HERC4: variants seen among roughly 807,000 people sequenced by gnomAD.
HERC4 encodes the protein HECT and RLD domain containing E3 ubiquitin protein ligase 4, also known as probable E3 ubiquitin-protein ligase HERC4.
In HERC4, 28 loss-of-function variants were observed where a neutral mutation model predicts 124.3. The ratio of observed to expected loss-of-function variants is 0.23; its 90% CI spans 0.17 to 0.31. The LOEUF is 0.31. Among genes scored for constraint, HERC4 ranks in the 10% least tolerant of loss-of-function variants. The pLI is 1.00. For missense variants in HERC4, 713 were observed against 1,229.3 expected (o/e 0.58, Z 6.28); for synonymous variants, 407 against 421.5 (o/e 0.97, Z 0.42).
chr10:68,046,724 G>T (rs2040029477), intron 3 of HERC4, among the ~76,000 whole-genome samples: 1 of 152,216 alleles, frequency 6.6e-6, no homozygotes, highest in African/African-American at 2.4e-5. Flanking sequence ...CCCAGCACTT[G>T]CAGAAGCCAA....
intron 3 of HERC4, among the ~76,000 whole-genome samples, chr10:68,059,448 T>A (rs915524122): frequency 3.1e-5 from 4 of 129,348 alleles, no homozygotes; most frequent in Non-Finnish European, 6.2e-5. Context: ...TATAATAATA[T>A]TATATATTAT....
intron 3 of HERC4, among the ~76,000 whole-genome samples, chr10:68,047,448 G>A (rs1408633554): frequency 6.6e-6 from 1 of 152,054 alleles, no homozygotes; most frequent in Non-Finnish European, 1.5e-5. Flanking sequence ...CATAGCCCAG[G>A]GGAAAACATT....
chr10:68,006,026 CA>C (rs1465360006), intron 9 of HERC4, among the ~76,000 whole-genome samples: 1 of 152,168 alleles, frequency 6.6e-6, no homozygotes, highest in East Asian at 1.9e-4. Flanking sequence ...ACTCTCATTA[CA>C]AAAACAAATA....
intron 3 of HERC4, among the ~76,000 whole-genome samples, chr10:68,050,295 T>C (rs934543381): frequency 2.6e-5 from 4 of 152,246 alleles, no homozygotes; most frequent in Admixed American, 1.3e-4. Context: ...CAATGTGTAT[T>C]TAAATTGCTT....
intron 15 of HERC4, among the ~76,000 whole-genome samples, chr10:67,977,181 G>A (rs999053353): frequency 6.6e-6 from 1 of 152,208 alleles, no homozygotes; most frequent in African/African-American, 2.4e-5. Flanking sequence ...CTGGAGGGAA[G>A]AGTGGGGAGA....
At chr10:68,060,891 GAT>G (rs2040973910) in intron 3 of HERC4, among the ~76,000 whole-genome samples, 1 of 151,810 alleles carries the variant, frequency 6.6e-6, no homozygotes, top group East Asian at 1.9e-4. Context: ...AGCAATTTAA[GAT>G]CTACTTTATC....
At chr10:68,071,340 A>G (rs369471006) in intron 3 of HERC4, among the ~76,000 whole-genome samples, 36 of 152,330 alleles carry the variant, frequency 2.4e-4, no homozygotes, top group African/African-American at 8.4e-4. Context: ...CACAGTGTCT[A>G]CCTCTAACAC....
chr10:67,958,216 T>C (rs1475505778), intron 16 of HERC4, among the ~76,000 whole-genome samples: 2 of 152,202 alleles, frequency 1.3e-5, no homozygotes, highest in Non-Finnish European at 1.5e-5. Flanking sequence ...TCTCCCTAAA[T>C]TGTATTTTAT....
chr10:68,059,870 T>C (rs28451754), intron 3 of HERC4, among the ~76,000 whole-genome samples: 777 of 70,244 alleles, frequency 0.011, 147 homozygotes, highest in East Asian at 0.1. Context: ...TATTATATAT[T>C]ATAATAATAT....
intron 19 of HERC4, among the ~76,000 whole-genome samples, chr10:67,947,847 T>C (rs2033493676): frequency 1.4e-5 from 2 of 146,326 alleles, no homozygotes; most frequent in African/African-American, 5.0e-5. Flanking sequence ...CTCTTTTTTT[T>C]TTTTTTTTTT....
chr10:68,029,775 G>C (rs1261004840), intron 7 of HERC4, among the ~76,000 whole-genome samples: 1 of 144,774 alleles, frequency 6.9e-6, no homozygotes, highest in Non-Finnish European at 1.5e-5. Flanking sequence ...GAGTCTCGCT[G>C]TCGACCAGGC....
chr10:67,957,720 G>A (rs74145828), intron 16 of HERC4, among the ~76,000 whole-genome samples: 11,388 of 152,164 alleles, frequency 0.075, 1,090 homozygotes, highest in African/African-American at 0.22. Flanking sequence ...CTGACTCAGA[G>A]CCCCTGCTAT....
intron 15 of HERC4, among the ~76,000 whole-genome samples, chr10:67,972,264 G>T (rs1445377043): frequency 1.3e-5 from 2 of 149,892 alleles, no homozygotes; most frequent in African/African-American, 4.9e-5. Context: ...GCTCACACCG[G>T]TAATCCCAGC....
At chr10:67,954,503 G>T in intron 19 of HERC4, 92 bp downstream of exon 19, 1 of 988,712 alleles carries the variant, frequency 1.0e-6, no homozygotes, top group Non-Finnish European at 1.4e-6. Context: ...GGATCCAGTA[G>T]TAATTCCTTA....
intron 5 of HERC4, among the ~76,000 whole-genome samples, chr10:68,036,613 T>C (rs566480609): frequency 6.6e-6 from 1 of 152,178 alleles, no homozygotes; most frequent in East Asian, 1.9e-4. Context: ...GAAGTATGAG[T>C]ATGTCTCCCA....
chr10:67,984,563 A>T (rs555468009), intron 15 of HERC4, among the ~76,000 whole-genome samples: 157 of 149,202 alleles, frequency 1.1e-3, no homozygotes, highest in Middle Eastern at 3.4e-3. Context: ...TAAAAATATT[A>T]AAAAAAAAAT....
rs558468702 is a variant in HERC4 at position 68,059,603 on chromosome 10, A to AATATGATATATC, written c.226+13279_226+13280insGATATATCATAT. On this transcript the variant is annotated intron_variant, in intron 3 of 24. Transcript: ENST00000373700. Reference sequence around the variant, plus strand: ...TATTATATATCATATTATATATCATAATATTATATATCATAATATTATATA... The same window carrying AATATGATATATC: ...TATTATATATCATATTATATATCATAATATGATATATCATATTATATATCATAATATTATATA... Among the ~76,000 whole-genome samples the AATATGATATATC allele has an allele frequency of 5.9e-5, 5 of 84,544 alleles. 1 individual carries two copies. The highest frequency in any genetic ancestry group is 3.2e-4 in the African/African-American group (5 of 15,724). The allele number at this position is 84,544 out of a possible 152,430, so 55.5% of individuals were successfully genotyped here. A position where few individuals can be genotyped will look rare whatever the true frequency, so the allele number is the denominator to read the frequency against.
intron 15 of HERC4, among the ~76,000 whole-genome samples, chr10:67,985,164 A>G (rs2036189739): frequency 6.6e-6 from 1 of 152,186 alleles, no homozygotes; most frequent in Admixed American, 6.5e-5. Context: ...GTGTTCTCAT[A>G]GCACTCTGCA....
rs868684036 is a variant in HERC4, at chr10:68,039,355, C to T, written c.387-1186G>A. The T allele has an allele frequency of 1.6e-4, 233 of 1,417,030 alleles. No homozygotes were observed. In the East Asian group the frequency reaches 2.0e-3, roughly 12 times the overall value. The allele number at this position is 1,417,030 out of a possible 1,614,324, so 87.8% of individuals were successfully genotyped here. On this transcript the variant is annotated intron_variant, in intron 4 of 24. Coordinates refer to ENST00000373700, the MANE Select transcript of HERC4 (RefSeq NM_015601.4). ...AAAAAGAAAGAAAGAAAAGAAAAAACGGGGGATGGGGAGGTACACAATATG... is the reference window on the plus strand; with the variant it reads ...AAAAAGAAAGAAAGAAAAGAAAAAATGGGGGATGGGGAGGTACACAATATG...
Sources: gnomAD v4.1 joint callset for allele counts (sites outside exome capture counted in the v4.1 genomes callset) on GRCh38, gnomAD v4.1.1 for gene constraint, MANE v1.5 for transcripts, NCBI Gene and HGNC (gene_info 2026-07-23, HGNC 2026-07-21) for gene names.